The following FOXP2 variants were observed in gnomAD, a reference collection of about 807,000 sequenced individuals.
The protein encoded by FOXP2 is forkhead box P2, also known as forkhead box protein P2.
In FOXP2, 12 loss-of-function variants were observed where a neutral mutation model predicts 115.8. That is an observed-to-expected ratio of 0.10 (90% CI 0.07 to 0.17). The LOEUF (loss-of-function observed/expected upper bound fraction) is 0.17, where lower values mean the gene tolerates loss of function less well. FOXP2 is among the 10% of genes least tolerant of loss of function. The pLI, the probability that FOXP2 is intolerant of heterozygous loss-of-function variation, is 1.00. For synonymous variants in FOXP2, 328 were observed against 297.7 expected, an observed-to-expected ratio of 1.10 and a Z score of -1.05; for missense variants, 629 against 843.5, an observed-to-expected ratio of 0.75 and a Z score of 3.15.
Position 114,527,924 on chromosome 7 carries a change from T to C in FOXP2, c.169-6693T>C, listed in dbSNP as rs913772134. 4.6e-5 allele frequency among the ~76,000 whole-genome samples: 7 copies of C among 152,224 alleles called. No individual in the cohort carries two copies. In the East Asian group the frequency reaches 9.7e-4, roughly 21 times the overall value. ...ATTTGGACAGTTGCACGTACGTTTT[T>C]ACAAGTCTTTATACCTCTGTCTTGT... On this transcript the variant is annotated intron_variant, in intron 2 of 16. Transcript: ENST00000350908.
intron 2 of FOXP2, among the ~76,000 whole-genome samples, chr7:114,469,318 A>G (rs569032016): frequency 4.6e-5 from 7 of 152,330 alleles, no homozygotes; most frequent in Non-Finnish European, 1.0e-4. Context: ...ACCATGATAT[A>G]TGAGATTAAA....
At chr7:114,664,509 G>A (rs1042758724) in intron 16 of FOXP2, 73 bp downstream of exon 16, 12 of 1,554,392 alleles carry the variant, frequency 7.7e-6, no homozygotes, top group Middle Eastern at 1.7e-4. Context: ...GAATTTTTCC[G>A]AAGTTTTTAC....
intron 16 of FOXP2, among the ~76,000 whole-genome samples, chr7:114,687,720 T>C (rs1337394031): frequency 6.6e-6 from 1 of 152,210 alleles, no homozygotes; most frequent in Non-Finnish European, 1.5e-5. Context: ...ATGATAAATA[T>C]ATGTGACAGT....
chr7:114,112,500 T>C (rs1791297795), intron 1 of FOXP2, among the ~76,000 whole-genome samples: 1 of 152,026 alleles, frequency 6.6e-6, no homozygotes, highest in African/African-American at 2.4e-5. Context: ...GGTTTCACCA[T>C]GTTGCCCAGG....
chr7:114,128,167 G>C (rs1435854430), intron 1 of FOXP2, among the ~76,000 whole-genome samples: 1 of 152,042 alleles, frequency 6.6e-6, no homozygotes, highest in East Asian at 1.9e-4. Flanking sequence ...AAAATTTAAG[G>C]ATATTTCTAC....
chr7:114,467,234 A>G (rs1795842601), intron 2 of FOXP2, among the ~76,000 whole-genome samples: 1 of 152,086 alleles, frequency 6.6e-6, no homozygotes, highest in Non-Finnish European at 1.5e-5. Context: ...TACTAGAAGG[A>G]GGAGTGGTGG....
chr7:114,528,559 T>C (rs1299612407), intron 2 of FOXP2, among the ~76,000 whole-genome samples: 5 of 152,030 alleles, frequency 3.3e-5, no homozygotes, highest in Non-Finnish European at 7.4e-5. Context: ...CCAAATATTT[T>C]CCCAAATGCT....
At chr7:114,247,767 C>A (rs1049865041) in intron 1 of FOXP2, among the ~76,000 whole-genome samples, 4 of 152,030 alleles carry the variant, frequency 2.6e-5, no homozygotes, top group African/African-American at 9.7e-5. Context: ...GTACCCAGCA[C>A]ATTAAGAAAT....
chr7:114,563,372 T>C (rs1252867643), intron 3 of FOXP2, among the ~76,000 whole-genome samples: 1 of 152,202 alleles, frequency 6.6e-6, no homozygotes, highest in Non-Finnish European at 1.5e-5. Flanking sequence ...CTCTTCTTTG[T>C]GTTTTGTTGT....
chr7:114,272,080 A>AAT (rs574072017), intron 1 of FOXP2, among the ~76,000 whole-genome samples: 2,017 of 143,878 alleles, frequency 0.014, 27 homozygotes, highest in Non-Finnish European at 0.024. Flanking sequence ...ATACATATAT[A>AAT]ATATATATAT....
At chr7:114,442,802 A>T (rs1010315114) in intron 2 of FOXP2, among the ~76,000 whole-genome samples, 2 of 152,102 alleles carry the variant, frequency 1.3e-5, no homozygotes, top group African/African-American at 2.4e-5. Flanking sequence ...GTACCTCAAT[A>T]CAGCTGTTTA....
chr7:114,166,511 T>C (rs1318442364), intron 1 of FOXP2, among the ~76,000 whole-genome samples: 4 of 152,146 alleles, frequency 2.6e-5, no homozygotes, highest in African/African-American at 9.7e-5. Context: ...AAGACCATCC[T>C]GGCTAACATT....
At chr7:114,269,142 A>T (rs1795973565) in intron 1 of FOXP2, among the ~76,000 whole-genome samples, 1 of 152,194 alleles carries the variant, frequency 6.6e-6, no homozygotes, top group South Asian at 2.1e-4. Context: ...GAGGTGTTGG[A>T]CAAACAATTT....
chr7:114,537,053 A>G (rs550830465), intron 3 of FOXP2, among the ~76,000 whole-genome samples: 55 of 151,646 alleles, frequency 3.6e-4, no homozygotes, highest in Middle Eastern at 3.4e-3. Context: ...TGTATCTTCA[A>G]ATATTATTTA....
chr7:114,454,018 G>A (rs1795179543), intron 2 of FOXP2, among the ~76,000 whole-genome samples: 1 of 152,124 alleles, frequency 6.6e-6, no homozygotes, highest in South Asian at 2.1e-4. Context: ...ATTGACAAAT[G>A]GGATCTAATT....
chr7:114,601,485 A>T lies in FOXP2; in HGVS notation c.259-27055A>T, dbSNP rs944254685. Among the ~76,000 whole-genome samples, 4 of 152,138 alleles carry T rather than the reference A, an allele frequency of 2.6e-5. No individual in the cohort carries two copies. The South Asian group carries it at 8.3e-4, about 32-fold the overall frequency. On this transcript the variant is annotated intron_variant, in intron 3 of 16. Coordinates refer to ENST00000350908, the MANE Select transcript of FOXP2 (RefSeq NM_014491.4). ...AGATTGCAAGTTTTTAAATTTCATT[A>T]ATTTCTATTCTTAACGTTATTATTT... is the stretch of plus-strand genomic sequence containing the variant.
chr7:114,125,812 A>G (rs1397814941), intron 1 of FOXP2, among the ~76,000 whole-genome samples: 3 of 152,104 alleles, frequency 2.0e-5, no homozygotes, highest in African/African-American at 7.2e-5. Flanking sequence ...ATAATGTACC[A>G]ATTTGTGCAC....
intron 2 of FOXP2, among the ~76,000 whole-genome samples, chr7:114,379,172 G>C (rs1792217544): frequency 6.6e-6 from 1 of 152,174 alleles, no homozygotes; most frequent in South Asian, 2.1e-4. Flanking sequence ...GGTTGCTGTT[G>C]CTGGCTCGAA....
rs566616789 is a variant in FOXP2, at chr7:114,429,202, G to A, written c.168+2523G>A. ...AATCGCATCAAATACTTAATGATAC[G>A]TGGATAGGTGAAGTGAAAAAGGATT... On this transcript the variant is annotated intron_variant, in intron 2 of 16. Transcript: ENST00000350908. Among the ~76,000 whole-genome samples the A allele has an allele frequency of 1.4e-3, 207 of 151,510 alleles. 2 individuals are homozygous for A. In the South Asian group the frequency reaches 0.02, roughly 14 times the overall value.
Sources: gnomAD v4.1 joint callset for allele counts (sites outside exome capture counted in the v4.1 genomes callset) on GRCh38, gnomAD v4.1.1 for gene constraint, MANE v1.5 for transcripts, NCBI Gene and HGNC (gene_info 2026-07-23, HGNC 2026-07-21) for gene names.